SI: variants seen among roughly 807,000 people sequenced by gnomAD.
SI encodes sucrase-isomaltase, also known as sucrase-isomaltase, intestinal.
A neutral mutation model predicts 253.3 loss-of-function variants in SI; 235 were observed. That is an observed-to-expected ratio of 0.93 (90% CI 0.83 to 1.03). The LOEUF (loss-of-function observed/expected upper bound fraction) is 1.03. Ranked by LOEUF, SI falls within the 50% of genes least tolerant of loss-of-function variation. The probability of loss-of-function intolerance (pLI) is 0.00; values close to 1 mark genes in which losing one functional copy is unlikely to be tolerated. For synonymous variants in SI, 819 were observed against 712.0 expected (o/e 1.15, Z -2.39); for missense variants, 2,442 against 2,211.1 (o/e 1.10, Z -2.09).
At position 165,039,955 on chromosome 3, in the gene SI, T is replaced by G. The variant is rs376939576; in HGVS notation, c.2176A>C (p.Asn726His). ...PVLHEFYEDTNSWIEDTEFLW... is the reference protein window; with the variant it reads ...PVLHEFYEDTHSWIEDTEFLW... ...AACTCAGTGTCCTCAATCCAGCTGTTCGTATCCTCATAAAACCTAAGAACA... is the reference window on the plus strand; with the variant it reads ...AACTCAGTGTCCTCAATCCAGCTGTGCGTATCCTCATAAAACCTAAGAACA... Residue 726 changes from asparagine (N) to histidine (H), a missense_variant, in exon 19 of 48, where the codon AAC (asparagine) becomes CAC (histidine). By Grantham distance (68) the Asn-to-His change is moderately conservative. Coordinates refer to ENST00000264382, the MANE Select transcript of SI (RefSeq NM_001041.4). The G allele has an allele frequency of 1.1e-5, 18 of 1,612,700 alleles. No individual in the cohort carries two copies. Among genetic ancestry groups the G allele is most frequent in the Non-Finnish European group, 1.4e-5 (17 of 1,178,912 alleles).
chr3:165,020,408 C>A lies in SI; in HGVS notation c.3255-638G>T, dbSNP rs187241526. ...AGGAAGCGTAAGTATTACAAGTAAT[C>A]TGGGCATATTTTAACTTTTTATATT... On this transcript the variant is annotated intron_variant, in intron 27 of 47. Transcript: ENST00000264382. Among the ~76,000 whole-genome samples the A allele has an allele frequency of 2.9e-3, 444 of 151,740 alleles. 5 individuals carry two copies. The highest frequency in any genetic ancestry group is 0.011 in the South Asian group (53 of 4,828).
chr3:165,014,135 T>G (rs776442489), intron 33 of SI, among the ~76,000 whole-genome samples: 1 of 152,244 alleles, frequency 6.6e-6, no homozygotes, highest in Non-Finnish European at 1.5e-5. Context: ...CAACATTTAT[T>G]GAACATGTTT....
intron 7 of SI, among the ~76,000 whole-genome samples, chr3:165,063,749 T>C (rs540643772): frequency 4.0e-5 from 6 of 150,070 alleles, no homozygotes; most frequent in African/African-American, 1.5e-4. Context: ...TATAGTAATG[T>C]ATAAAATATA....
intron 45 of SI, among the ~76,000 whole-genome samples, chr3:164,985,241 G>T (rs1412067923): frequency 6.6e-5 from 10 of 152,110 alleles, no homozygotes; most frequent in Admixed American, 6.6e-4. Flanking sequence ...CTGATGAAAT[G>T]AATTAACTTA....
chr3:165,031,866 C>T, intron 24 of SI, among the ~76,000 whole-genome samples: 1 of 150,906 alleles, frequency 6.6e-6, no homozygotes, highest in African/African-American at 2.4e-5. Context: ...AATGAGAAAG[C>T]TAAAATAATG....
Position 165,048,584 on chromosome 3 carries a change from TAGAG to T in SI, c.1715+539_1715+542del, listed in dbSNP as rs566703011. On this transcript the variant is annotated intron_variant, in intron 15 of 47. Coordinates refer to ENST00000264382, the MANE Select transcript of SI (RefSeq NM_001041.4). Reference sequence around the variant, plus strand: ...ATATATATGTATATATATATATATATAGAGAGAGAGAGAGAGAGAGAGAGTCATT... The same window carrying T: ...ATATATATGTATATATATATATATATAGAGAGAGAGAGAGAGAGAGTCATT... 8.1e-4 allele frequency among the ~76,000 whole-genome samples: 102 copies of T among 125,254 alleles called. 1 individual carries two copies. In the East Asian group the frequency reaches 0.015, roughly 18 times the overall value. The allele number at this position is 125,254 out of a possible 152,430, so 82.2% of individuals were successfully genotyped here. A position where few individuals can be genotyped will look rare whatever the true frequency, so the allele number is the denominator to read the frequency against.
intron 43 of SI, 44 bp downstream of exon 43, chr3:164,992,133 C>G (rs1389451383): frequency 6.7e-7 from 1 of 1,482,580 alleles, no homozygotes; most frequent in South Asian, 1.1e-5. Flanking sequence ...AAACAATTAC[C>G]CGTTTCTGTT....
chr3:165,073,790 A>T (rs1714756202), intron 3 of SI, among the ~76,000 whole-genome samples: 2 of 152,178 alleles, frequency 1.3e-5, no homozygotes, highest in Admixed American at 6.6e-5. Flanking sequence ...TATAGCATTT[A>T]CATGGTATTA....
intron 3 of SI, among the ~76,000 whole-genome samples, chr3:165,071,584 T>A (rs903575797): frequency 2.6e-5 from 4 of 151,974 alleles, no homozygotes; most frequent in African/African-American, 9.7e-5. Flanking sequence ...CCCCCGAAAT[T>A]CATATGTTGA....
chr3:165,006,810 G>T lies in SI; in HGVS notation c.4406+6C>A. ...GTCAGAGAGGATAATTCAGAACATT[G>T]CTTACTCATGAGTAGGTTTCATCTG... On this transcript the variant is annotated splice_donor_region_variant and intron_variant, in intron 37 of 47. Coordinates refer to ENST00000264382, the MANE Select transcript of SI (RefSeq NM_001041.4). The T allele has an allele frequency of 6.2e-7, 1 of 1,610,158 alleles. No individual in the cohort carries two copies. Among genetic ancestry groups the T allele is most frequent in the Non-Finnish European group, 8.5e-7 (1 of 1,176,914 alleles).
In SI at chr3:165,041,079, A is replaced by T; in HGVS notation, c.2020T>A (p.Phe674Ile). Residue 674 changes from phenylalanine (F) to isoleucine (I), a missense_variant, in exon 18 of 48, where the codon TTT (phenylalanine) becomes ATT (isoleucine). Coordinates refer to ENST00000264382, the MANE Select transcript of SI (RefSeq NM_001041.4). ...ACCAAAAGTGAATTCTGCCCAAAAA[A>T]TGCAGGATCCTGATGCTGTGAGATA... ...SDGYEHQDPA[F>I]FGQNSLLVKS... 6.2e-7 allele frequency: 1 copy of T among 1,612,788 alleles called. No individual in the cohort carries two copies. Among genetic ancestry groups the T allele is most frequent in the Non-Finnish European group, 8.5e-7 (1 of 1,179,188 alleles).
intron 37 of SI, among the ~76,000 whole-genome samples, chr3:165,005,322 T>C (rs979014485): frequency 6.6e-6 from 1 of 152,076 alleles, no homozygotes; most frequent in African/African-American, 2.4e-5. Context: ...AATAGTTTAA[T>C]TGTATACTTA....
intron 45 of SI, among the ~76,000 whole-genome samples, chr3:164,984,416 C>T (rs7615513): frequency 0.2 from 29,931 of 151,914 alleles, 4,308 homozygotes; most frequent in African/African-American, 0.41. Flanking sequence ...ATATTAGTGT[C>T]AATATTCCTT....
At chr3:165,055,382 T>A in intron 12 of SI, 75 bp from the exon 13 acceptor site, 1 of 822,134 alleles carries the variant, frequency 1.2e-6, no homozygotes, top group Non-Finnish European at 2.0e-6. Flanking sequence ...ATTAATAAAG[T>A]TGAGAATAGT....
chr3:165,020,860 A>G (rs1711560251), intron 27 of SI, among the ~76,000 whole-genome samples: 1 of 151,676 alleles, frequency 6.6e-6, no homozygotes, highest in Non-Finnish European at 1.5e-5. Flanking sequence ...AAGCACCAAT[A>G]AACTATTTCA....
intron 38 of SI, among the ~76,000 whole-genome samples, chr3:164,997,667 G>T (rs138690575): frequency 1.3e-5 from 2 of 151,684 alleles, no homozygotes; most frequent in Non-Finnish European, 3.0e-5. Context: ...ATAGGCCCTG[G>T]TGTCTGTTGT....
chr3:165,019,434 G>A lies in SI; in HGVS notation c.3423+168C>T, dbSNP rs527797574. Among the ~76,000 whole-genome samples the A allele has an allele frequency of 2.7e-3, 417 of 151,932 alleles. 3 individuals are homozygous for A. Among genetic ancestry groups the A allele is most frequent in the African/African-American group, 9.5e-3 (394 of 41,492 alleles). ...CCTCTACTTCCACCTGTAATTTATG[G>A]TGACTTTTTGGGTTTGTTTCTCAGA... On this transcript the variant is annotated intron_variant, in intron 28 of 47. Coordinates refer to ENST00000264382, the MANE Select transcript of SI (RefSeq NM_001041.4).
intron 22 of SI, among the ~76,000 whole-genome samples, chr3:165,034,290 A>G: frequency 6.6e-6 from 1 of 152,082 alleles, no homozygotes; most frequent in East Asian, 1.9e-4. Flanking sequence ...ATTGAATTAT[A>G]TTATTCATAT....
intron 37 of SI, among the ~76,000 whole-genome samples, chr3:164,999,504 A>G (rs1559983039): frequency 6.6e-6 from 1 of 151,656 alleles, no homozygotes; most frequent in Non-Finnish European, 1.5e-5. Flanking sequence ...AATAATTTGA[A>G]TATGAATAAG....
Sources: allele counts gnomAD v4.1 joint callset (sites outside exome capture counted in the v4.1 genomes callset), GRCh38; gene constraint gnomAD v4.1.1; transcripts MANE v1.5; gene names NCBI Gene and HGNC (gene_info 2026-07-23, HGNC 2026-07-21).